The following PRDM2 variants were observed in gnomAD, a reference collection of about 807,000 sequenced individuals.
The protein encoded by PRDM2 is PR domain zinc finger protein 2.
Under a neutral mutation model 130.0 loss-of-function variants are expected in PRDM2, and 30 were observed. The observed-to-expected ratio is 0.23, with a 90% CI of 0.17 to 0.31. PRDM2 has a LOEUF of 0.31. Among genes scored for constraint, PRDM2 ranks in the 10% least tolerant of loss-of-function variants. The pLI, the probability that PRDM2 is intolerant of heterozygous loss-of-function variation, is 1.00. For synonymous variants in PRDM2, 871 were observed against 782.4 expected (o/e 1.11, Z -1.89); for missense variants, 2,011 against 2,108.4 (o/e 0.95, Z 0.90).
intron 1 of PRDM2, among the ~76,000 whole-genome samples, chr1:13,703,874 G>A (rs2100374887): frequency 6.6e-6 from 1 of 152,348 alleles, no homozygotes; most frequent in South Asian, 2.1e-4. Context: ...CCAATTTGAG[G>A]TTATGCACAG....
intron 8 of PRDM2, among the ~76,000 whole-genome samples, chr1:13,790,065 TG>T (rs1644814720): frequency 6.8e-6 from 1 of 146,098 alleles, no homozygotes; most frequent in Non-Finnish European, 1.5e-5. Context: ...TTCAACACCG[TG>T]GGTTCCACAC....
chr1:13,762,604 G>T (rs1364805364), intron 6 of PRDM2, among the ~76,000 whole-genome samples: 6 of 152,132 alleles, frequency 3.9e-5, no homozygotes, highest in Non-Finnish European at 7.3e-5. Context: ...GTTCCCTGTG[G>T]TCATTACTTT....
intron 6 of PRDM2, among the ~76,000 whole-genome samples, chr1:13,751,433 G>C (rs569882500): frequency 3.9e-5 from 6 of 152,058 alleles, no homozygotes; most frequent in Admixed American, 1.3e-4. Context: ...TTAAACTTTG[G>C]AGAGTTTAAG....
At position 13,824,633 on chromosome 1, in the gene PRDM2, A is replaced by G. The variant is rs1645404779; in HGVS notation, c.*1498A>G. 1 of 152,144 alleles carries G rather than the reference A, an allele frequency of 6.6e-6. No individual in the cohort carries two copies. The allele number at this position is 152,144 out of a possible 1,614,324, so 9.4% of individuals were successfully genotyped here. ...ACCGTTGTTTGCTTTAAATTTTCAT[A>G]AACTGGAATCCTTTCACCCGCTCCT... On this transcript the variant is annotated 3_prime_UTR_variant, in exon 10 of 10. Transcript: ENST00000311066.
rs779102114 is a variant in PRDM2 at position 13,803,275 on chromosome 1, G to A, written c.5037-13152G>A. Among the ~76,000 whole-genome samples, 4 of 152,332 alleles carry A rather than the reference G, an allele frequency of 2.6e-5. No homozygotes were observed. Among genetic ancestry groups the A allele is most frequent in the Admixed American group, 6.5e-5 (1 of 15,308 alleles). On this transcript the variant is annotated intron_variant, in intron 8 of 9. Transcript: ENST00000311066. The surrounding 1 kb of genome is among the most constrained non-coding windows in gnomAD (Gnocchi z 6.2). Reference sequence around the variant, plus strand: ...GACAGGCACATTTCAGGGTTGAACCGCACCAGGAGCCTGGCTTTGCCATCC... The same window carrying A: ...GACAGGCACATTTCAGGGTTGAACCACACCAGGAGCCTGGCTTTGCCATCC...
intron 8 of PRDM2, among the ~76,000 whole-genome samples, chr1:13,805,888 C>G (rs756170605): frequency 6.6e-6 from 1 of 152,048 alleles, no homozygotes; most frequent in Non-Finnish European, 1.5e-5. Context: ...ACGTGGGGAC[C>G]CTGGAGCCCT....
chr1:13,815,336 T>C (rs995822713), intron 8 of PRDM2, among the ~76,000 whole-genome samples: 1 of 152,160 alleles, frequency 6.6e-6, no homozygotes, highest in Admixed American at 6.5e-5. Context: ...GGTCTTGAAC[T>C]CCTGACCTCA....
chr1:13,779,060 A>G lies in PRDM2; in HGVS notation c.1265A>G (p.Gln422Arg), dbSNP rs759004239. The G allele has an allele frequency of 8.7e-6, 14 of 1,614,078 alleles. No individual in the cohort carries two copies. Among genetic ancestry groups the G allele is most frequent in the Admixed American group, 1.7e-5 (1 of 60,000 alleles). ...GCAGGGTTAAAGCGGAAACCCAGCC[A>G]AACACTACAGCCGTCAGAGGATCTG... ...HEAGLKRKPS[Q>R]TLQPSEDLAD... The change falls in exon 8 of 10, where the codon CAA becomes CGA. Residue 422 changes from glutamine (Q) to arginine (R), a missense_variant. Around this residue, in one of 5 missense-constraint regions of PRDM2, gnomAD observed 1,288 missense variants for 1,237.7 expected, o/e 1.04. Transcript: ENST00000311066. The surrounding 1 kb of genome is among the most constrained non-coding windows in gnomAD (Gnocchi z 4.9).
At chr1:13,708,102 C>T (rs1018016268) in intron 1 of PRDM2, among the ~76,000 whole-genome samples, 6 of 152,020 alleles carry the variant, frequency 3.9e-5, no homozygotes, top group Non-Finnish European at 5.9e-5. Context: ...TAATCAGCAA[C>T]TGCCATACGT....
chr1:13,809,983 C>T (rs1287646781), intron 8 of PRDM2, among the ~76,000 whole-genome samples: 2 of 152,026 alleles, frequency 1.3e-5, no homozygotes, highest in Non-Finnish European at 2.9e-5. Flanking sequence ...TGACCTTTTT[C>T]GAGCACACGC....
At chr1:13,804,770 A>G (rs758672957) in intron 8 of PRDM2, among the ~76,000 whole-genome samples, 3 of 152,174 alleles carry the variant, frequency 2.0e-5, no homozygotes, top group Non-Finnish European at 4.4e-5. Flanking sequence ...TCCCCAGGGG[A>G]TTGCAGTGAA....
chr1:13,712,832 T>G (rs563266962), intron 1 of PRDM2, among the ~76,000 whole-genome samples: 1 of 152,320 alleles, frequency 6.6e-6, no homozygotes, highest in African/African-American at 2.4e-5. Context: ...ATCCAGTTAC[T>G]TTTCACATCT....
intron 8 of PRDM2, among the ~76,000 whole-genome samples, chr1:13,815,382 G>A (rs1010700872): frequency 1.3e-5 from 2 of 152,196 alleles, no homozygotes; most frequent in African/African-American, 4.8e-5. Flanking sequence ...AAAGTGCTGG[G>A]ATTACAGGCA....
At chr1:13,734,216 C>T (rs1037939408) in intron 4 of PRDM2, among the ~76,000 whole-genome samples, 7 of 152,066 alleles carry the variant, frequency 4.6e-5, no homozygotes, top group East Asian at 1.9e-4. Context: ...AAAAACTGCC[C>T]GGCCAAAAAA....
chr1:13,782,539 G>A lies in PRDM2; in HGVS notation c.4744G>A (p.Ala1582Thr). The A allele has an allele frequency of 6.2e-7, 1 of 1,614,138 alleles. No homozygotes were observed. Among genetic ancestry groups the A allele is most frequent in the East Asian group, 2.2e-5 (1 of 44,884 alleles). The change falls in exon 8 of 10, where the codon GCC becomes ACC. Residue 1582 changes from alanine to threonine, a missense_variant. Ala to Thr is a moderately conservative substitution (Grantham distance 58). This residue lies in a region of PRDM2 where 410 missense variants were observed against 395.9 expected (regional missense o/e 1.04). Coordinates refer to ENST00000311066, the MANE Select transcript of PRDM2 (RefSeq NM_001393986.1). ...AAGGAACTCCAGCCCGATAAGAATG[G>A]CCAAAATAACTCATGTTGAGGGGAA... ...SLRNSSPIRM[A>T]KITHVEGKKP...
chr1:13,782,722 G>C lies in PRDM2; in HGVS notation c.4927G>C (p.Glu1643Gln). 1 of 1,613,928 alleles carries C rather than the reference G, an allele frequency of 6.2e-7. No individual in the cohort carries two copies. Among genetic ancestry groups the C allele is most frequent in the Non-Finnish European group, 8.5e-7 (1 of 1,179,960 alleles). The change falls in exon 8 of 10, where the codon GAG becomes CAG. Residue 1643 changes from glutamate (E) to glutamine (Q), a missense_variant. Coordinates refer to ENST00000311066, the MANE Select transcript of PRDM2 (RefSeq NM_001393986.1). ...RTDRFNIKSRERSGGPVTRSL... is the reference protein window; with the variant it reads ...RTDRFNIKSRQRSGGPVTRSL... ...AGACCGGTTCAATATAAAATCTAGAGAGCGGAGTGGGGGGCCAGTCACCCG... is the reference window on the plus strand; with the variant it reads ...AGACCGGTTCAATATAAAATCTAGACAGCGGAGTGGGGGGCCAGTCACCCG...
chr1:13,715,443 A>G (rs1055777632), intron 1 of PRDM2, 98 bp from the exon 2 acceptor site: 2 of 467,464 alleles, frequency 4.3e-6, no homozygotes, highest in Non-Finnish European at 7.6e-6. Flanking sequence ...TGCTTTATAA[A>G]TAGCCCTTTC....
chr1:13,805,603 C>T (rs1417771539), intron 8 of PRDM2, among the ~76,000 whole-genome samples: 3 of 152,212 alleles, frequency 2.0e-5, no homozygotes, highest in Non-Finnish European at 4.4e-5. Context: ...CTTACCTTTG[C>T]ACCATCTCCC....
intron 8 of PRDM2, among the ~76,000 whole-genome samples, chr1:13,793,160 TGTTA>T (rs1218947998): frequency 1.1e-4 from 16 of 152,248 alleles, no homozygotes; most frequent in Non-Finnish European, 1.3e-4. Context: ...ACCTGGGTGC[TGTTA>T]GTTACTGAGT....
Sources: gnomAD v4.1 joint callset for allele counts (sites outside exome capture counted in the v4.1 genomes callset) on GRCh38, gnomAD v4.1.1 for gene constraint, gnomAD v4.1.1 regional missense constraint, Gnocchi (gnomAD v3.1) non-coding constraint, MANE v1.5 for transcripts, NCBI Gene and HGNC (gene_info 2026-07-23, HGNC 2026-07-21) for gene names.